The following CSMD1 variants were observed in gnomAD, a reference collection of about 807,000 sequenced individuals.
CSMD1 encodes CUB and Sushi multiple domains 1.
Under a neutral mutation model 417.5 loss-of-function variants are expected in CSMD1, and 213 were observed. The ratio of observed to expected loss-of-function variants is 0.51; its 90% CI spans 0.46 to 0.57. The LOEUF (loss-of-function observed/expected upper bound fraction) is 0.57. Among genes scored for constraint, CSMD1 ranks in the 20% least tolerant of loss-of-function variants. The pLI, the probability that CSMD1 is intolerant of heterozygous loss-of-function variation, is 0.00. For synonymous variants in CSMD1, 2,862 were observed against 1,736.8 expected (o/e 1.65, Z -16.11); for missense variants, 6,923 against 4,529.7 (o/e 1.53, Z -15.17).
rs182041466 is a variant in CSMD1, at chr8:4,015,384, G to A, written c.610+16521C>T. Reference sequence around the variant, plus strand: ...TCCTGCCTTTTCATCTCTAGTAGCAGAATGCCTATGATTAAAAAACCTCGA... The same window carrying A: ...TCCTGCCTTTTCATCTCTAGTAGCAAAATGCCTATGATTAAAAAACCTCGA... On this transcript the variant is annotated intron_variant, in intron 4 of 69. Coordinates refer to ENST00000635120, the MANE Select transcript of CSMD1 (RefSeq NM_033225.6). 9.3e-3 allele frequency among the ~76,000 whole-genome samples: 1,415 copies of A among 152,142 alleles called. 14 individuals carry two copies. The highest frequency in any genetic ancestry group is 0.012 in the Non-Finnish European group (841 of 68,022).
Position 3,097,186 on chromosome 8 carries a change from G to C in CSMD1, c.6950-149C>G, listed in dbSNP as rs1383293636. ...AAATTTAATACCGAATGCAAACACA[G>C]AGGGAGGGCAACATTGAATAATCAT... is the stretch of plus-strand genomic sequence containing the variant. On this transcript the variant is annotated intron_variant, in intron 46 of 69. Transcript: ENST00000635120. 8.6e-6 allele frequency: 5 copies of C among 583,838 alleles called. No homozygotes were observed. The Admixed American group carries it at 1.0e-4, about 12-fold the overall frequency. The allele number at this position is 583,838 out of a possible 1,614,324, so 36.2% of individuals were successfully genotyped here.
intron 46 of CSMD1, among the ~76,000 whole-genome samples, chr8:3,104,737 T>C (rs1398260658): frequency 6.6e-6 from 1 of 151,618 alleles, no homozygotes; most frequent in African/African-American, 2.4e-5. Flanking sequence ...AGACAGAGTT[T>C]TGCTGTGTCT....
chr8:4,470,027 C>G (rs971101681), intron 2 of CSMD1, among the ~76,000 whole-genome samples: 4 of 151,950 alleles, frequency 2.6e-5, no homozygotes, highest in Non-Finnish European at 4.4e-5. Context: ...GCTAACATGC[C>G]CGGCTAATTT....
At chr8:3,291,790 T>C (rs1199619671) in intron 25 of CSMD1, among the ~76,000 whole-genome samples, 5 of 150,672 alleles carry the variant, frequency 3.3e-5, no homozygotes, top group African/African-American at 1.2e-4. Flanking sequence ...CCTGGATTCA[T>C]TGACTTTTTT....
At chr8:4,627,811 G>C (rs1802207748) in intron 2 of CSMD1, among the ~76,000 whole-genome samples, 1 of 152,036 alleles carries the variant, frequency 6.6e-6, no homozygotes, top group Admixed American at 6.6e-5. Flanking sequence ...GAATAGTATA[G>C]GAATAGTACA....
At chr8:3,953,195 C>A (rs2262209) in intron 5 of CSMD1, among the ~76,000 whole-genome samples, 41,716 of 151,788 alleles carry the variant, frequency 0.27, 6,259 homozygotes, top group African/African-American at 0.37. Flanking sequence ...TGTGTAGAAG[C>A]ACTATAAACA....
intron 10 of CSMD1, among the ~76,000 whole-genome samples, chr8:3,502,129 C>T (rs1001584777): frequency 6.6e-6 from 1 of 152,108 alleles, no homozygotes; most frequent in African/African-American, 2.4e-5. Context: ...CTTTGGAAGG[C>T]TGAGGCTGGC....
At position 4,191,831 on chromosome 8, in the gene CSMD1, G is replaced by A. The variant is rs530775644; in HGVS notation, c.416-159732C>T. 1.9e-4 allele frequency among the ~76,000 whole-genome samples: 28 copies of A among 151,050 alleles called. No individual in the cohort carries two copies. The South Asian group carries it at 5.9e-3, about 32-fold the overall frequency. On this transcript the variant is annotated intron_variant, in intron 3 of 69. Transcript: ENST00000635120. ...TCTCCTATCGAATGATTTACAATAT[G>A]AGTCAGCAAAATCAACAGTCAGTTT...
At chr8:4,640,940 A>G (rs1803151558) in intron 1 of CSMD1, among the ~76,000 whole-genome samples, 1 of 151,662 alleles carries the variant, frequency 6.6e-6, no homozygotes, top group Admixed American at 6.6e-5. Flanking sequence ...ATAAAATATC[A>G]ATATCAATGG....
chr8:4,268,682 A>C (rs991011477), intron 3 of CSMD1, among the ~76,000 whole-genome samples: 1 of 152,188 alleles, frequency 6.6e-6, no homozygotes, highest in East Asian at 1.9e-4. Context: ...AATAAGGAAG[A>C]TATATGTGTA....
At chr8:4,566,045 G>A (rs1244270215) in intron 2 of CSMD1, among the ~76,000 whole-genome samples, 1 of 151,636 alleles carries the variant, frequency 6.6e-6, no homozygotes, top group Non-Finnish European at 1.5e-5. Flanking sequence ...CCTCTTATAA[G>A]GTATTTTGCC....
intron 1 of CSMD1, among the ~76,000 whole-genome samples, chr8:4,660,163 G>C (rs62484563): frequency 6.6e-6 from 1 of 150,424 alleles, no homozygotes; most frequent in African/African-American, 2.4e-5. Flanking sequence ...ATCTGAAAGG[G>C]AGAAATAAAA....
chr8:3,794,825 G>A (rs1485276333), intron 5 of CSMD1, among the ~76,000 whole-genome samples: 1 of 151,626 alleles, frequency 6.6e-6, no homozygotes, highest in South Asian at 2.1e-4. Flanking sequence ...TAATTCTGAA[G>A]GTAAAATTAT....
chr8:3,790,871 A>G (rs1000883462), intron 5 of CSMD1, among the ~76,000 whole-genome samples: 1 of 152,148 alleles, frequency 6.6e-6, no homozygotes, highest in Non-Finnish European at 1.5e-5. Flanking sequence ...CTACTTTTTG[A>G]GATGGAAACT....
At chr8:4,701,696 AG>A (rs1807563958) in intron 1 of CSMD1, among the ~76,000 whole-genome samples, 1 of 152,140 alleles carries the variant, frequency 6.6e-6, no homozygotes, top group Admixed American at 6.5e-5. Context: ...TAAAAAAAAA[AG>A]TAGAGTGGTG....
intron 3 of CSMD1, among the ~76,000 whole-genome samples, chr8:4,045,462 T>G (rs1298040733): frequency 1.3e-5 from 2 of 152,154 alleles, no homozygotes; most frequent in Non-Finnish European, 2.9e-5. Flanking sequence ...GAAGGGCCAC[T>G]GGTGCTGGGG....
chr8:3,583,211 T>C (rs539007018), intron 9 of CSMD1, among the ~76,000 whole-genome samples: 1 of 152,046 alleles, frequency 6.6e-6, no homozygotes, highest in South Asian at 2.1e-4. Context: ...CACACATTTC[T>C]CTCCATCCTA....
At chr8:3,970,273 G>A (rs964772315) in intron 5 of CSMD1, among the ~76,000 whole-genome samples, 10 of 152,126 alleles carry the variant, frequency 6.6e-5, no homozygotes, top group Admixed American at 4.6e-4. Context: ...CTGTATGTCC[G>A]AAGCCTTTGA....
intron 3 of CSMD1, among the ~76,000 whole-genome samples, chr8:4,172,266 T>A (rs561368028): frequency 1.2e-4 from 18 of 152,176 alleles, no homozygotes; most frequent in Non-Finnish European, 2.1e-4. Flanking sequence ...ATGTCTGGAA[T>A]CCTCTTTGTT....
Sources: allele counts gnomAD v4.1 joint callset (sites outside exome capture counted in the v4.1 genomes callset), GRCh38; gene constraint gnomAD v4.1.1; transcripts MANE v1.5; gene names NCBI Gene and HGNC (gene_info 2026-07-23, HGNC 2026-07-21).